Variants in ANKRD11 observed in about 807,000 individuals in gnomAD.
The protein encoded by ANKRD11 is ankyrin repeat domain 11, also known as ankyrin repeat domain-containing protein 11.
A neutral mutation model predicts 195.7 loss-of-function variants in ANKRD11; 17 were observed. The ratio of observed to expected loss-of-function variants is 0.09; its 90% CI spans 0.06 to 0.13. The LOEUF is 0.13. ANKRD11 is among the 10% of genes least tolerant of loss of function. ANKRD11 has a pLI of 1.00. For missense variants in ANKRD11, 3,735 were observed against 3,566.1 expected, an observed-to-expected ratio of 1.05 and a Z score of -1.21; for synonymous variants, 1,953 against 1,528.1, an observed-to-expected ratio of 1.28 and a Z score of -6.49.
In ANKRD11 at chr16:89,299,675, G is replaced by A. The variant is rs142142352; in HGVS notation, c.226+5531C>T. The A allele has an allele frequency of 0.011, 1,899 of 174,646 alleles. 145 individuals carry two copies. The East Asian group carries it at 0.17, about 16-fold the overall frequency. The allele number at this position is 174,646 out of a possible 1,614,324, so 10.8% of individuals were successfully genotyped here. On this transcript the variant is annotated intron_variant, in intron 4 of 12. Transcript: ENST00000301030. ...GCCTGCCCTGTGTGGGGTGCGTGGG[G>A]TCTGTGCCCTGTGTGGGATGCCTGC... is the stretch of plus-strand genomic sequence containing the variant.
intron 2 of ANKRD11, among the ~76,000 whole-genome samples, chr16:89,335,295 G>C (rs781542607): frequency 2.0e-5 from 3 of 152,140 alleles, no homozygotes; most frequent in Non-Finnish European, 2.9e-5. Context: ...CCCAAGCAGG[G>C]GCTGCAACAG....
intron 2 of ANKRD11, among the ~76,000 whole-genome samples, chr16:89,329,898 T>C (rs1169062090): frequency 6.6e-6 from 1 of 151,770 alleles, no homozygotes. Flanking sequence ...CCCAGCTACT[T>C]GGGAGGCTGA....
intron 7 of ANKRD11, chr16:89,287,880 G>A (rs963601830): frequency 3.0e-5 from 10 of 329,896 alleles, no homozygotes; most frequent in East Asian, 9.7e-5. Context: ...ATGTGGCCCC[G>A]TGTGACCCCT....
Position 89,280,296 on chromosome 16 carries a change from C to G in ANKRD11, c.6246G>C (p.Glu2082Asp). 3 of 1,598,406 alleles carry G rather than the reference C, an allele frequency of 1.9e-6. No individual in the cohort carries two copies. The highest frequency in any genetic ancestry group is 2.6e-6 in the Non-Finnish European group (3 of 1,173,106). The change falls in exon 9 of 13, where the codon GAG (glutamate) becomes GAC (aspartate). Residue 2082 changes from glutamate (E) to aspartate (D), a missense_variant. Coordinates refer to ENST00000301030, the MANE Select transcript of ANKRD11 (RefSeq NM_013275.6). ...GAGCCACAGCGGCTACACAGGCGGG[C>G]TCGGGGGCCACGTCCAGCGGGGCTT... is the stretch of plus-strand genomic sequence containing the variant. ...LPEAPLDVAP[E>D]PACVAAVAQV...
intron 1 of ANKRD11, among the ~76,000 whole-genome samples, chr16:89,460,520 T>C (rs1403552622): frequency 4.6e-5 from 7 of 151,792 alleles, no homozygotes; most frequent in African/African-American, 9.7e-5. Context: ...GATAGTGCCA[T>C]TGCACTCCAG....
At chr16:89,275,486 G>A (rs2033575271) in intron 9 of ANKRD11, among the ~76,000 whole-genome samples, 1 of 152,220 alleles carries the variant, frequency 6.6e-6, no homozygotes, top group Non-Finnish European at 1.5e-5. Flanking sequence ...AGGAGGGCCT[G>A]AAACACCGGC....
rs181286049 is a variant in ANKRD11, at chr16:89,428,251, C to T, written c.-144-9883G>A. Among the ~76,000 whole-genome samples the T allele has an allele frequency of 5.4e-3, 805 of 150,176 alleles. 3 individuals carry two copies. The highest frequency in any genetic ancestry group is 0.026 in the Middle Eastern group (7 of 268). ...ATTAAAATAAAATTCTTTGGCCGGG[C>T]ACGGTGGTTCACGCCTATAATCCCA... On this transcript the variant is annotated intron_variant, in intron 1 of 12. Transcript: ENST00000301030.
chr16:89,486,662 G>A (rs2057624755), intron 1 of ANKRD11, among the ~76,000 whole-genome samples: 1 of 152,098 alleles, frequency 6.6e-6, no homozygotes, highest in South Asian at 2.1e-4. Flanking sequence ...CAAGAATGGG[G>A]CATGGTATCA....
At position 89,281,763 on chromosome 16, in the gene ANKRD11, C is replaced by T. The variant is rs1231387019; in HGVS notation, c.4779G>A (p.Glu1593=). The change falls in exon 9 of 13, where the codon GAG becomes GAA. Residue 1593 remains glutamate (E), a synonymous_variant. Transcript: ENST00000301030. This position sits in a 1 kb window ranked among gnomAD's most constrained non-coding sequence, Gnocchi z 5.5. ...FERMLSQKDL[E]IEERHKRHKE... is the part of the protein sequence containing the mutation. Reference sequence around the variant, plus strand: ...TGTGCCGCTTGTGGCGCTCCTCGATCTCCAGGTCCTTCTGGGACAGCATCC... The same window carrying T: ...TGTGCCGCTTGTGGCGCTCCTCGATTTCCAGGTCCTTCTGGGACAGCATCC... 2 of 1,613,930 alleles carry T rather than the reference C, an allele frequency of 1.2e-6. No individual in the cohort carries two copies. Among genetic ancestry groups the T allele is most frequent in the African/African-American group, 2.7e-5 (2 of 74,886 alleles).
chr16:89,325,351 T>A (rs1056355920), intron 2 of ANKRD11, among the ~76,000 whole-genome samples: 2 of 151,884 alleles, frequency 1.3e-5, no homozygotes, highest in African/African-American at 4.8e-5. Context: ...GGCAGGAGGA[T>A]CACTTGAGCC....
chr16:89,271,054 G>A, intron 11 of ANKRD11, 145 bp from the exon 12 acceptor site: 1 of 760,352 alleles, frequency 1.3e-6, no homozygotes, highest in Non-Finnish European at 2.3e-6. Context: ...ACTGAATCAT[G>A]TTCAAGGCAT....
chr16:89,414,284 A>T (rs2042210811), intron 2 of ANKRD11, among the ~76,000 whole-genome samples: 1 of 152,208 alleles, frequency 6.6e-6, no homozygotes, highest in Non-Finnish European at 1.5e-5. Context: ...CAAAACCCCC[A>T]ATTTTTGGGA....
intron 3 of ANKRD11, among the ~76,000 whole-genome samples, chr16:89,311,739 T>A (rs149988680): frequency 2.0e-4 from 30 of 152,158 alleles, no homozygotes; most frequent in African/African-American, 7.0e-4. Context: ...ATCTTGGGAG[T>A]TGGGCAAGAG....
At chr16:89,463,713 G>A (rs568010167) in intron 1 of ANKRD11, among the ~76,000 whole-genome samples, 19 of 150,540 alleles carry the variant, frequency 1.3e-4, no homozygotes, top group African/African-American at 3.4e-4. Context: ...CACTGGATAA[G>A]TGTTTTTCAA....
At position 89,296,880 on chromosome 16, in the gene ANKRD11, G is replaced by A. The variant is rs182393491; in HGVS notation, c.227-5697C>T. 4.6e-5 allele frequency among the ~76,000 whole-genome samples: 7 copies of A among 152,262 alleles called. No homozygotes were observed. In the East Asian group the frequency reaches 1.4e-3, roughly 29 times the overall value. On this transcript the variant is annotated intron_variant, in intron 4 of 12. Coordinates refer to ENST00000301030, the MANE Select transcript of ANKRD11 (RefSeq NM_013275.6). The stretch of plus-strand genomic sequence containing the variant: ...AAATGCCAGCCCCACCAGAGGGCAG[G>A]AATGGGTCAGAAGTCTCATTGGTGA...
chr16:89,284,685 G>T lies in ANKRD11; in HGVS notation c.1857C>A (p.Val619=), dbSNP rs780814224. Residue 619 remains valine, a synonymous_variant, in exon 9 of 13, where the codon GTC becomes GTA. Transcript: ENST00000301030. The part of the protein sequence containing the change: ...SPFLSSAEGA[V]PKLDKEGKVV... ...CTTTCCCCTCCTTGTCCAGTTTGGG[G>T]ACAGCGCCCTCCGCGCTGGACAGGA... The T allele has an allele frequency of 3.1e-6, 5 of 1,613,808 alleles. No homozygotes were observed. In the Admixed American group the frequency reaches 8.3e-5, roughly 27 times the overall value.
At chr16:89,278,626 G>A (rs907886113) in intron 9 of ANKRD11, 8 of 460,106 alleles carry the variant, frequency 1.7e-5, no homozygotes, top group African/African-American at 1.4e-4. Context: ...AGGAGGTGGG[G>A]GAAGGGACTC....
intron 1 of ANKRD11, among the ~76,000 whole-genome samples, chr16:89,459,876 T>C (rs2056590387): frequency 1.3e-5 from 2 of 151,108 alleles, no homozygotes. Context: ...GAGATTGCAG[T>C]GAGCCAATTT....
intron 2 of ANKRD11, among the ~76,000 whole-genome samples, chr16:89,317,742 G>A (rs2037052173): frequency 1.3e-5 from 2 of 152,150 alleles, no homozygotes; most frequent in Admixed American, 1.3e-4. Context: ...GACACATACT[G>A]TATTAATTGT....
Sources: gnomAD v4.1 joint callset for allele counts (sites outside exome capture counted in the v4.1 genomes callset) on GRCh38, gnomAD v4.1.1 for gene constraint, Gnocchi (gnomAD v3.1) non-coding constraint, MANE v1.5 for transcripts, NCBI Gene and HGNC (gene_info 2026-07-23, HGNC 2026-07-21) for gene names.